Variants in TULP4 observed in about 807,000 individuals in gnomAD.
TULP4 encodes the protein TUB like protein 4.
Under a neutral mutation model 129.0 loss-of-function variants are expected in TULP4, and 16 were observed. The observed-to-expected ratio is 0.12, with a 90% CI of 0.08 to 0.19. The LOEUF (loss-of-function observed/expected upper bound fraction) is 0.19, where lower values mean the gene tolerates loss of function less well. Among genes scored for constraint, TULP4 ranks in the 10% least tolerant of loss-of-function variants. The pLI is 1.00. For missense variants in TULP4, 1,842 were observed against 2,059.1 expected (o/e 0.89, Z 2.04); for synonymous variants, 998 against 854.0 (o/e 1.17, Z -2.94).
intron 1 of TULP4, among the ~76,000 whole-genome samples, chr6:158,248,725 G>A (rs959468752): frequency 6.6e-6 from 1 of 151,982 alleles, no homozygotes; most frequent in Non-Finnish European, 1.5e-5. Context: ...CTGGGTAACA[G>A]AGCGAGACCC....
At chr6:158,356,687 A>C (rs528809047) in intron 1 of TULP4, among the ~76,000 whole-genome samples, 1 of 152,134 alleles carries the variant, frequency 6.6e-6, no homozygotes, top group Non-Finnish European at 1.5e-5. Flanking sequence ...TCTGGTAGAA[A>C]AAGCCAGATG....
chr6:158,491,314 G>A (rs1011521722), intron 9 of TULP4, among the ~76,000 whole-genome samples: 1 of 152,196 alleles, frequency 6.6e-6, no homozygotes, highest in African/African-American at 2.4e-5. Context: ...CCACTTGGCT[G>A]TCTTCTTCTT....
intron 1 of TULP4, among the ~76,000 whole-genome samples, chr6:158,390,312 A>T (rs2114944509): frequency 6.6e-6 from 1 of 152,198 alleles, no homozygotes; most frequent in African/African-American, 2.4e-5. Context: ...TCTGGTCTGT[A>T]GCTTGCTTTT....
intron 6 of TULP4, among the ~76,000 whole-genome samples, chr6:158,476,752 A>C (rs568576097): frequency 3.9e-5 from 6 of 152,354 alleles, no homozygotes; most frequent in African/African-American, 1.4e-4. Flanking sequence ...CAAATGGACT[A>C]AGGGGCCATC....
intron 6 of TULP4, among the ~76,000 whole-genome samples, chr6:158,479,427 T>A (rs1386925399): frequency 6.6e-6 from 1 of 152,160 alleles, no homozygotes; most frequent in Non-Finnish European, 1.5e-5. Flanking sequence ...ATTACTTTTA[T>A]TTTATTTTGT....
intron 1 of TULP4, among the ~76,000 whole-genome samples, chr6:158,410,373 T>C (rs949863575): frequency 1.4e-5 from 2 of 139,376 alleles, no homozygotes; most frequent in African/African-American, 4.9e-5. Flanking sequence ...AAGGCAAAAA[T>C]GTAAATGTGG....
chr6:158,291,816 A>G (rs1461198316), intron 1 of TULP4, among the ~76,000 whole-genome samples: 1 of 152,144 alleles, frequency 6.6e-6, no homozygotes, highest in African/African-American at 2.4e-5. Flanking sequence ...TCTTAATTGT[A>G]GACTGCATTT....
At chr6:158,326,751 G>A (rs4708786) in intron 1 of TULP4, among the ~76,000 whole-genome samples, 142,212 of 152,260 alleles carry the variant, frequency 0.93, 66,487 homozygotes, top group Admixed American at 0.96. Flanking sequence ...CTCAGTTTAC[G>A]TTCTAGCTCC....
chr6:158,452,639 A>G (rs1293367487), intron 5 of TULP4, among the ~76,000 whole-genome samples: 2 of 152,250 alleles, frequency 1.3e-5, no homozygotes, highest in Non-Finnish European at 2.9e-5. Flanking sequence ...TGCACAAGAC[A>G]TCATTTACAC....
intron 2 of TULP4, among the ~76,000 whole-genome samples, chr6:158,422,237 G>C (rs868401243): frequency 6.6e-6 from 1 of 152,114 alleles, no homozygotes; most frequent in Non-Finnish European, 1.5e-5. Context: ...TTGCAAAACT[G>C]ATCAAGAGAA....
chr6:158,387,505 T>A (rs1777476128), intron 1 of TULP4, among the ~76,000 whole-genome samples: 1 of 152,220 alleles, frequency 6.6e-6, no homozygotes, highest in Admixed American at 6.5e-5. Context: ...AAAGCATAAT[T>A]TAAGTAGCAG....
intron 1 of TULP4, among the ~76,000 whole-genome samples, chr6:158,319,642 T>C (rs545838074): frequency 5.9e-5 from 9 of 152,358 alleles, no homozygotes; most frequent in Admixed American, 1.3e-4. Context: ...TCAGCTAGTA[T>C]GTAAAATCTG....
intron 1 of TULP4, among the ~76,000 whole-genome samples, chr6:158,360,407 C>T (rs949624070): frequency 3.3e-5 from 5 of 152,132 alleles, no homozygotes; most frequent in African/African-American, 1.2e-4. Context: ...GTGCACATGT[C>T]AGTGTCTGCC....
At position 158,314,252 on chromosome 6, in the gene TULP4, G is replaced by A. The variant is rs1226330574; in HGVS notation, c.236G>A (p.Arg79Gln). The change falls in exon 1 of 14, where the codon CGG (arginine) becomes CAG (glutamine). Residue 79 changes from arginine (R) to glutamine (Q), a missense_variant. By Grantham distance (43) the Arg-to-Gln change is conservative (BLOSUM62 1). Coordinates refer to ENST00000367097, the MANE Select transcript of TULP4 (RefSeq NM_020245.5). ...STPQRINFNL[R>Q]GHNSEVVLVR... ...CCACAGAGGATAAATTTCAACCTCC[G>A]GGGCCACAATAGCGAGGTGAGCTGT... 5.6e-6 allele frequency: 9 copies of A among 1,613,728 alleles called. No homozygotes were observed. Among genetic ancestry groups the A allele is most frequent in the Non-Finnish European group, 5.1e-6 (6 of 1,179,798 alleles).
At chr6:158,337,217 A>C (rs13194647) in intron 1 of TULP4, among the ~76,000 whole-genome samples, 129,364 of 149,616 alleles carry the variant, frequency 0.86, 56,202 homozygotes, top group South Asian at 0.93. Flanking sequence ...ACTGCAGAGC[A>C]TTAATTTCCT....
At chr6:158,344,529 T>G (rs1187699921) in intron 1 of TULP4, among the ~76,000 whole-genome samples, 1 of 152,232 alleles carries the variant, frequency 6.6e-6, no homozygotes, top group Non-Finnish European at 1.5e-5. Context: ...TTTTTCATCA[T>G]TATATCTTTT....
intron 1 of TULP4, among the ~76,000 whole-genome samples, chr6:158,246,054 G>A (rs1366815774): frequency 6.8e-6 from 1 of 147,052 alleles, no homozygotes. Context: ...GTGTGTGTGT[G>A]TGTGTGTGTA....
chr6:158,287,918 A>C (rs1476124838), intron 1 of TULP4, among the ~76,000 whole-genome samples: 1 of 152,134 alleles, frequency 6.6e-6, no homozygotes, highest in African/African-American at 2.4e-5. Context: ...TGACCAAGTG[A>C]CTGTTTTTAA....
chr6:158,367,222 G>A (rs1776938539), intron 1 of TULP4, among the ~76,000 whole-genome samples: 1 of 152,196 alleles, frequency 6.6e-6, no homozygotes, highest in South Asian at 2.1e-4. Context: ...CTTGGGCACT[G>A]AGGACTCATT....
Sources: gnomAD v4.1 joint callset for allele counts (sites outside exome capture counted in the v4.1 genomes callset) on GRCh38, gnomAD v4.1.1 for gene constraint, MANE v1.5 for transcripts, NCBI Gene and HGNC (gene_info 2026-07-23, HGNC 2026-07-21) for gene names.